The following ANKFN1 variants were observed in gnomAD, a reference collection of about 807,000 sequenced individuals.
ANKFN1 encodes ankyrin repeat and fibronectin type III domain containing 1.
ANKFN1 carries 74 observed loss-of-function variants against 108.7 expected under a neutral mutation model. The ratio of observed to expected loss-of-function variants is 0.68; its 90% CI spans 0.56 to 0.83. ANKFN1 has a LOEUF of 0.83. Ranked by LOEUF, ANKFN1 falls within the 40% of genes least tolerant of loss-of-function variation. The pLI is 0.00. For synonymous variants in ANKFN1, 547 were observed against 516.2 expected (o/e 1.06, Z -0.81); for missense variants, 1,505 against 1,382.3 (o/e 1.09, Z -1.41).
intron 4 of ANKFN1, among the ~76,000 whole-genome samples, chr17:56,100,318 T>C (rs1598095113): frequency 1.3e-5 from 2 of 152,230 alleles, no homozygotes; most frequent in Admixed American, 6.5e-5. Flanking sequence ...TAAGGTTAGA[T>C]GTCTGTGCCA....
chr17:56,317,481 G>T (rs1166023989), intron 3 of ANKFN1, among the ~76,000 whole-genome samples: 2 of 152,146 alleles, frequency 1.3e-5, no homozygotes, highest in African/African-American at 2.4e-5. Flanking sequence ...TGTTTGGAGG[G>T]CCAGAATCTA....
rs116474686 is a variant in ANKFN1 at position 56,083,771 on chromosome 17, T to C, written c.288+37446T>C. On this transcript the variant is annotated intron_variant, in intron 4 of 12. Coordinates refer to the ANKFN1 transcript ENST00000635860. ...GCTGAGGGAAAATCCAATCAGATGT[T>C]CAAGCTCAAATTTTTATGAGAGATT... Among the ~76,000 whole-genome samples, 271 of 151,428 alleles carry C rather than the reference T, an allele frequency of 1.8e-3. 5 individuals carry two copies. Among genetic ancestry groups the C allele is most frequent in the African/African-American group, 6.4e-3 (264 of 41,326 alleles).
upstream of ANKFN1, among the ~76,000 whole-genome samples, chr17:56,150,977 CAGCCTGGAG>C (rs1377564148): frequency 2.6e-5 from 4 of 152,170 alleles, no homozygotes; most frequent in Non-Finnish European, 5.9e-5. Flanking sequence ...GTGGAATGAT[CAGCCTGGAG>C]AGCTCACTCT....
At chr17:56,375,798 AC>A (rs1397855374) in intron 8 of ANKFN1, among the ~76,000 whole-genome samples, 5 of 152,178 alleles carry the variant, frequency 3.3e-5, no homozygotes, top group Non-Finnish European at 1.5e-5. Context: ...TGCACCAGGC[AC>A]CATTTAAAGC....
chr17:56,155,609 G>C (rs1484591055), intron 1 of ANKFN1, among the ~76,000 whole-genome samples: 1 of 152,186 alleles, frequency 6.6e-6, no homozygotes, highest in Non-Finnish European at 1.5e-5. Context: ...TGGGAGAATA[G>C]CACTGGCTTG....
chr17:56,084,167 G>C (rs558185961), intron 4 of ANKFN1, among the ~76,000 whole-genome samples: 4 of 151,022 alleles, frequency 2.6e-5, no homozygotes, highest in African/African-American at 9.7e-5. Flanking sequence ...AAAGAAATAG[G>C]CACCCTCTAG....
chr17:56,097,976 T>C (rs555117316), intron 4 of ANKFN1, among the ~76,000 whole-genome samples: 1 of 152,228 alleles, frequency 6.6e-6, no homozygotes. Context: ...ATAGAAAAGA[T>C]AAGATTTAGT....
chr17:56,085,598 T>A (rs1220705373), intron 4 of ANKFN1, among the ~76,000 whole-genome samples: 5 of 151,302 alleles, frequency 3.3e-5, no homozygotes, highest in Non-Finnish European at 1.5e-5. Flanking sequence ...TTATGGCAGC[T>A]TTAGGAAATG....
intron 1 of ANKFN1, among the ~76,000 whole-genome samples, chr17:56,160,275 A>T (rs1432983268): frequency 6.6e-6 from 1 of 152,228 alleles, no homozygotes; most frequent in African/African-American, 2.4e-5. Flanking sequence ...ACCCTCCCCT[A>T]GGAATTGGTG....
rs145976948 is a variant in ANKFN1 at position 56,340,254 on chromosome 17, G to T, written c.189-10512G>T. 4.6e-3 allele frequency among the ~76,000 whole-genome samples: 698 copies of T among 152,190 alleles called. 3 individuals are homozygous for T. Among genetic ancestry groups the T allele is most frequent in the African/African-American group, 9.4e-3 (390 of 41,556 alleles). On this transcript the variant is annotated intron_variant, in intron 4 of 20. Transcript: ENST00000682825. ...AAAAATTTCTCTTTTTCTGTAAGTT[G>T]TCTGTTTACTGTGTTGATAGTTTCT...
At chr17:56,410,208 T>G (rs181145802) in intron 8 of ANKFN1, among the ~76,000 whole-genome samples, 265 of 152,292 alleles carry the variant, frequency 1.7e-3, no homozygotes, top group African/African-American at 5.7e-3. Flanking sequence ...CCCGAGTAAC[T>G]GGGACTACAG....
chr17:56,218,649 C>T (rs1409385806), intron 2 of ANKFN1, among the ~76,000 whole-genome samples: 5 of 152,192 alleles, frequency 3.3e-5, no homozygotes, highest in Admixed American at 3.3e-4. Flanking sequence ...ATGAACATCA[C>T]TGCTCTGGGA....
intron 4 of ANKFN1, among the ~76,000 whole-genome samples, chr17:56,099,049 C>T (rs1332207052): frequency 6.6e-6 from 1 of 152,158 alleles, no homozygotes; most frequent in Non-Finnish European, 1.5e-5. Context: ...AGGTTTAGAA[C>T]AGGAGCTGTA....
chr17:56,350,877 C>G lies in ANKFN1; in HGVS notation c.300C>G (p.Leu100=). 11 of 1,613,766 alleles carry G rather than the reference C, an allele frequency of 6.8e-6. No homozygotes were observed. The highest frequency in any genetic ancestry group is 9.3e-6 in the Non-Finnish European group (11 of 1,179,874). Residue 100 remains leucine, a synonymous_variant, in exon 5 of 21, where the codon CTC becomes CTG. Coordinates refer to ENST00000682825, the MANE Select transcript of ANKFN1 (RefSeq NM_001370326.1). ...PNAAKRLYRN[L]SEKLKGSHSS... is the part of the protein sequence containing the mutation. ...CAGCCAAACGCCTGTACAGGAACCT[C>G]TCTGAGAAACTGAAAGGGAGCCACT...
intron 12 of ANKFN1, 79 bp downstream of exon 12, chr17:56,457,039 A>G: frequency 7.3e-7 from 1 of 1,378,732 alleles, no homozygotes; most frequent in Non-Finnish European, 1.0e-6. Flanking sequence ...GAAACTTGGT[A>G]GAAATTTTTT....
intron 1 of ANKFN1, among the ~76,000 whole-genome samples, chr17:56,194,988 A>G (rs920810486): frequency 2.6e-4 from 39 of 152,238 alleles, no homozygotes; most frequent in African/African-American, 9.2e-4. Context: ...CATGTAGACA[A>G]CTGAAGATGT....
intron 1 of ANKFN1, among the ~76,000 whole-genome samples, chr17:56,180,329 C>T (rs775798554): frequency 1.3e-5 from 2 of 152,182 alleles, no homozygotes; most frequent in African/African-American, 2.4e-5. Flanking sequence ...CTGTGGTCCT[C>T]ATCCATGTTT....
At chr17:56,230,181 G>A (rs1003580847) in intron 3 of ANKFN1, among the ~76,000 whole-genome samples, 1 of 152,140 alleles carries the variant, frequency 6.6e-6, no homozygotes, top group Non-Finnish European at 1.5e-5. Context: ...ATGGAGGACA[G>A]CTTTAGCCAA....
intron 4 of ANKFN1, among the ~76,000 whole-genome samples, chr17:56,107,459 G>T (rs76113012): frequency 0.036 from 5,456 of 152,274 alleles, 113 homozygotes; most frequent in Middle Eastern, 0.082. Context: ...ATATCTGAGT[G>T]AAGGCAGAGC....
Sources: gnomAD v4.1 joint callset for allele counts (sites outside exome capture counted in the v4.1 genomes callset) on GRCh38, gnomAD v4.1.1 for gene constraint, MANE v1.5 for transcripts, NCBI Gene and HGNC (gene_info 2026-07-23, HGNC 2026-07-21) for gene names.